Variants in PGAP6 observed in about 807,000 individuals in gnomAD.
The protein encoded by PGAP6 is post-GPI attachment to proteins factor 6.
PGAP6 carries 62 observed loss-of-function variants against 68.4 expected under a neutral mutation model. The observed-to-expected ratio is 0.91, with a 90% CI of 0.74 to 1.12. The LOEUF is 1.12. Among genes scored for constraint, PGAP6 ranks in the 50% most tolerant of loss-of-function variants. The pLI is 0.00. For synonymous variants in PGAP6, 575 were observed against 474.0 expected (o/e 1.21, Z -2.77); for missense variants, 1,188 against 1,068.5 (o/e 1.11, Z -1.56).
rs1183790007 is a variant in PGAP6, at chr16:376,091, C to G, written c.1224+45G>C. ...GAGGCGCTGCAGGGGTTGCCCGGCG[C>G]CCTGCCCGAGCCCAGGCCACAGGCC... On this transcript the variant is annotated intron_variant, in intron 6 of 12. Coordinates refer to ENST00000431232, the MANE Select transcript of PGAP6 (RefSeq NM_021259.3). The G allele has an allele frequency of 3.2e-6, 5 of 1,545,406 alleles. No individual in the cohort carries two copies. The African/African-American group carries it at 5.4e-5, about 17-fold the overall frequency.
chr16:378,257 C>CT (rs2054406403), intron 1 of PGAP6, among the ~76,000 whole-genome samples: 2 of 146,112 alleles, frequency 1.4e-5, no homozygotes, highest in South Asian at 2.3e-4. Flanking sequence ...GCCATCCCCA[C>CT]CCGCACTGCC....
intron 1 of PGAP6, among the ~76,000 whole-genome samples, chr16:380,515 C>T (rs1254716845): frequency 1.3e-5 from 2 of 152,030 alleles, no homozygotes; most frequent in Admixed American, 6.5e-5. Flanking sequence ...TACAGGCATG[C>T]GCCACCACTG....
intron 1 of PGAP6, among the ~76,000 whole-genome samples, chr16:378,984 C>T (rs895019192): frequency 4.6e-5 from 7 of 152,242 alleles, no homozygotes; most frequent in Admixed American, 3.3e-4. Flanking sequence ...CCCGTGCCAG[C>T]TCCAGCCTCG....
intron 1 of PGAP6, among the ~76,000 whole-genome samples, chr16:381,061 A>G (rs1250858717): frequency 6.6e-6 from 1 of 152,246 alleles, no homozygotes; most frequent in Non-Finnish European, 1.5e-5. Context: ...CTTGGACCTC[A>G]GTCAGGGACG....
At chr16:378,685 C>T (rs981957415) in intron 1 of PGAP6, among the ~76,000 whole-genome samples, 2 of 152,198 alleles carry the variant, frequency 1.3e-5, no homozygotes, top group Non-Finnish European at 2.9e-5. Context: ...ACATCTCCAT[C>T]CCTGGATGGG....
At chr16:372,538 G>A (rs574904433) in intron 12 of PGAP6, 73 bp downstream of exon 12, 35 of 1,251,670 alleles carry the variant, frequency 2.8e-5, no homozygotes, top group African/African-American at 4.4e-5. Flanking sequence ...GACCAGGAAC[G>A]TGGCTAGAGC....
At chr16:377,013 G>A (rs763140) in intron 4 of PGAP6, 24 bp downstream of exon 4, 2 of 1,610,808 alleles carry the variant, frequency 1.2e-6, no homozygotes, top group Non-Finnish European at 1.7e-6. Flanking sequence ...GCAGAGCCGG[G>A]CTGCCCCCCA....
Position 381,742 on chromosome 16 carries a change from G to A in PGAP6, c.80C>T (p.Ala27Val), listed in dbSNP as rs1033939884. 536 of 1,212,750 alleles carry A rather than the reference G, an allele frequency of 4.4e-4. No homozygotes were observed. Among genetic ancestry groups the A allele is most frequent in the Non-Finnish European group, 5.4e-4 (523 of 974,178 alleles). 75.1% of individuals were successfully genotyped at this position (1,212,750 alleles called of 1,614,324 possible). A position where few individuals can be genotyped will look rare whatever the true frequency, so the allele number is the denominator to read the frequency against. The change falls in exon 1 of 13, where the codon GCC (alanine) becomes GTC (valine). Residue 27 changes from alanine (A) to valine (V), a missense_variant. Coordinates refer to ENST00000431232, the MANE Select transcript of PGAP6 (RefSeq NM_021259.3). ...VAGPLLLLLL[A>V]RPPPASAGYS... is the part of the protein sequence containing the mutation. ...GCCGGCGGAGGCAGGCGGGGGCCGG[G>A]CAAGCAGCAGCAGCAGCAGCGGCCC...
At chr16:376,997 C>G in intron 4 of PGAP6, 40 bp downstream of exon 4, 1 of 1,609,512 alleles carries the variant, frequency 6.2e-7, no homozygotes, top group Non-Finnish European at 8.5e-7. Context: ...GAGAAGGGGC[C>G]GGAGGGCAGA....
At position 372,200 on chromosome 16, in the gene PGAP6, CAT is replaced by C. The variant is rs1170822373; in HGVS notation, c.2101_2102del (p.Met701GlyfsTer14). ...TGTAGATGGCGATGCCCACAGAGGCCATAGAGACGCCGGGCAGGAGGTAGAAG... is the reference window on the plus strand; with the variant it reads ...TGTAGATGGCGATGCCCACAGAGGCCAGAGACGCCGGGCAGGAGGTAGAAG... ...WAFYLLPGVS[M>X]ASVGIAIYTS... On this transcript the variant is annotated frameshift_variant, in exon 13 of 13. Transcript: ENST00000431232. LOFTEE classifies it low-confidence loss of function (END_TRUNC). 6.2e-7 allele frequency: 1 copy of C among 1,610,100 alleles called. No individual in the cohort carries two copies. Among genetic ancestry groups the C allele is most frequent in the Non-Finnish European group, 8.5e-7 (1 of 1,179,036 alleles).
At position 372,076 on chromosome 16, in the gene PGAP6, G is replaced by A. The variant is rs1235681684; in HGVS notation, c.2227C>T (p.Pro743Ser). Residue 743 changes from proline (P) to serine (S), a missense_variant, in exon 13 of 13, where the codon CCC becomes TCC. Physicochemically the swap from Pro to Ser is moderately conservative, Grantham distance 74. Coordinates refer to ENST00000431232, the MANE Select transcript of PGAP6 (RefSeq NM_021259.3). Reference protein sequence around the residue: ...AALLLPPPDQPAEPWACSQKF... With the variant: ...AALLLPPPDQSAEPWACSQKF... ...TGCGAGCAGGCCCAGGGCTCGGCGG[G>A]CTGGTCAGGTGGCGGCAGCAGCAAG... 1.9e-6 allele frequency: 3 copies of A among 1,612,318 alleles called. No individual in the cohort carries two copies. Among genetic ancestry groups the A allele is most frequent in the Non-Finnish European group, 2.5e-6 (3 of 1,179,934 alleles).
At chr16:374,505 A>G (rs2141757889) in intron 9 of PGAP6, 106 bp from the exon 10 acceptor site, 3 of 1,313,336 alleles carry the variant, frequency 2.3e-6, no homozygotes, top group Non-Finnish European at 3.0e-6. Context: ...CCCAGGAGCA[A>G]GCAGGGTAGG....
intron 12 of PGAP6, 71 bp downstream of exon 12, chr16:372,540 G>T (rs781086629): frequency 1.6e-6 from 2 of 1,268,900 alleles, no homozygotes; most frequent in South Asian, 1.2e-5. Context: ...CCAGGAACGT[G>T]GCTAGAGCAA....
rs375715790 is a variant in PGAP6, at chr16:375,161, G to C, written c.1411C>G (p.Leu471Val). The C allele has an allele frequency of 6.2e-7, 1 of 1,613,496 alleles. No individual in the cohort carries two copies. Among genetic ancestry groups the C allele is most frequent in the African/African-American group, 1.3e-5 (1 of 75,060 alleles). Reference sequence around the variant, plus strand: ...GCATTCTCAGGGCACATGAGCTGCAGGGAGAGGTACCAGTTGTCTGTCTCT... The same window carrying C: ...GCATTCTCAGGGCACATGAGCTGCACGGAGAGGTACCAGTTGTCTGTCTCT... ...YPETDNWYLS[L>V]QLMCPENAED... Residue 471 changes from leucine (L) to valine (V), a missense_variant, in exon 8 of 13, where the codon CTG (leucine) becomes GTG (valine). Leu to Val is a conservative substitution (Grantham distance 32, BLOSUM62 1). Coordinates refer to ENST00000431232, the MANE Select transcript of PGAP6 (RefSeq NM_021259.3).
rs1381529343 is a variant in PGAP6, at chr16:376,270, C to T, written c.1090G>A (p.Val364Met). 4 of 1,612,746 alleles carry T rather than the reference C, an allele frequency of 2.5e-6. No individual in the cohort carries two copies. Among genetic ancestry groups the T allele is most frequent in the African/African-American group, 1.3e-5 (1 of 74,914 alleles). The change falls in exon 6 of 13, where the codon GTG becomes ATG. Residue 364 changes from valine (V) to methionine (M), a missense_variant. By Grantham distance (21) the Val-to-Met change is conservative. Coordinates refer to ENST00000431232, the MANE Select transcript of PGAP6 (RefSeq NM_021259.3). Reference protein sequence around the residue: ...YPVTREDMDVVSVHFQPLDRV... With the variant: ...YPVTREDMDVMSVHFQPLDRV... ...TCCAGGGGCTGGAAGTGCACCGACA[C>T]CACGTCCATGTCCTCCCGCGTGACT...
Position 375,406 on chromosome 16 carries a change from C to G in PGAP6, c.1254G>C (p.Val418=), listed in dbSNP as rs1314646911. Residue 418 remains valine (V), a synonymous_variant, in exon 7 of 13, where the codon GTG becomes GTC. Coordinates refer to ENST00000431232, the MANE Select transcript of PGAP6 (RefSeq NM_021259.3). ...KTEMRNETVV[V]ACVNAASPFL... is the part of the protein sequence containing the mutation. ...AGGGCGAGGCAGCATTCACGCAGGCCACTACGACGGTCTCGTTCCGCATCT... is the reference window on the plus strand; with the variant it reads ...AGGGCGAGGCAGCATTCACGCAGGCGACTACGACGGTCTCGTTCCGCATCT... The G allele has an allele frequency of 1.9e-6, 3 of 1,612,710 alleles. No homozygotes were observed. The highest frequency in any genetic ancestry group is 2.5e-6 in the Non-Finnish European group (3 of 1,179,988).
upstream of PGAP6, chr16:384,342 CG>C (rs2054467805): frequency 6.6e-6 from 1 of 152,168 alleles, no homozygotes; most frequent in Non-Finnish European, 1.5e-5. Flanking sequence ...AATCCCCAGA[CG>C]GAAGTCCAGA....
At chr16:378,205 CT>C (rs2054404883) in intron 1 of PGAP6, among the ~76,000 whole-genome samples, 33 of 142,706 alleles carry the variant, frequency 2.3e-4, no homozygotes, top group Non-Finnish European at 3.4e-4. Context: ...CATCGCCACC[CT>C]GACTGCCATC....
In PGAP6 at chr16:374,058, C is replaced by T. The variant is rs1360823042; in HGVS notation, c.1849G>A (p.Ala617Thr). The T allele has an allele frequency of 6.2e-7, 1 of 1,611,912 alleles. No individual in the cohort carries two copies. Among genetic ancestry groups the T allele is most frequent in the Non-Finnish European group, 8.5e-7 (1 of 1,179,940 alleles). The change falls in exon 11 of 13, where the codon GCC becomes ACC. Residue 617 changes from alanine (A) to threonine (T), a missense_variant. By Grantham distance (58) the Ala-to-Thr change is moderately conservative (BLOSUM62 0). Coordinates refer to ENST00000431232, the MANE Select transcript of PGAP6 (RefSeq NM_021259.3). ...QYCDFLGSGAAIWVTILCMAR... is the reference protein window; with the variant it reads ...QYCDFLGSGATIWVTILCMAR... ...ATGCACAGGATGGTGACCCAGATGG[C>T]CGCCCCGGAGCCCAAGAAGTCGCAG...
Sources: gnomAD v4.1 joint callset for allele counts (sites outside exome capture counted in the v4.1 genomes callset) on GRCh38, gnomAD v4.1.1 for gene constraint, MANE v1.5 for transcripts, NCBI Gene and HGNC (gene_info 2026-07-23, HGNC 2026-07-21) for gene names.